The following LCN1 variants were observed in gnomAD, a reference collection of about 807,000 sequenced individuals.
LCN1 encodes the protein lipocalin 1.
Under a neutral mutation model 22.3 loss-of-function variants are expected in LCN1, and 25 were observed. The ratio of observed to expected loss-of-function variants is 1.12; its 90% CI spans 0.82 to 1.56. The LOEUF (loss-of-function observed/expected upper bound fraction) is 1.56, where lower values mean the gene tolerates loss of function less well. Ranked by LOEUF, LCN1 falls within the 40% of genes most tolerant of loss-of-function variation. The probability of loss-of-function intolerance (pLI) is 0.00; values close to 1 mark genes in which losing one functional copy is unlikely to be tolerated. For missense variants in LCN1, 219 were observed against 235.6 expected (o/e 0.93, Z 0.46); for synonymous variants, 85 against 97.6 (o/e 0.87, Z 0.76).
At position 135,521,513 on chromosome 9, in the gene LCN1, C is replaced by G. The variant is rs1831494781; in HGVS notation, c.16C>G (p.Leu6Val). MKPLL[L>V]AVSLGLIAAL... is the part of the protein sequence containing the mutation. ...GACTCCGGAGATGAAGCCCCTGCTCCTGGCCGTCAGCCTTGGCCTCATTGC... is the reference window on the plus strand; with the variant it reads ...GACTCCGGAGATGAAGCCCCTGCTCGTGGCCGTCAGCCTTGGCCTCATTGC... The change falls in exon 1 of 7, where the codon CTG becomes GTG. Residue 6 changes from leucine (L) to valine (V), a missense_variant. Coordinates refer to ENST00000371781, the MANE Select transcript of LCN1 (RefSeq NM_002297.4). The G allele has an allele frequency of 4.3e-6, 7 of 1,612,792 alleles. No homozygotes were observed. Among genetic ancestry groups the G allele is most frequent in the Non-Finnish European group, 5.9e-6 (7 of 1,179,968 alleles).
chr9:135,522,188 G>A lies in LCN1; in HGVS notation c.221+11G>A. On this transcript the variant is annotated intron_variant, in intron 2 of 6. Transcript: ENST00000371781. ...CAAGGTCACCATGCTGTGAGTGTCT[G>A]CCAGCCGGCCGGGCAGCCTGCAACC... The A allele has an allele frequency of 1.2e-6, 2 of 1,604,284 alleles. No homozygotes were observed. Among genetic ancestry groups the A allele is most frequent in the East Asian group, 2.3e-5 (1 of 44,262 alleles).
chr9:135,524,018 C>T (rs1831567196), intron 4 of LCN1, 28 bp downstream of exon 4: 1 of 1,550,394 alleles, frequency 6.4e-7, no homozygotes, highest in Admixed American at 1.7e-5. Context: ...ACCCTGCAAC[C>T]CATGCCTCCA....
Position 135,526,361 on chromosome 9 carries a change from C to A in LCN1, c.*19C>A, listed in dbSNP as rs1300564667. The A allele has an allele frequency of 6.3e-6, 8 of 1,271,282 alleles. No homozygotes were observed. Among genetic ancestry groups the A allele is most frequent in the Non-Finnish European group, 8.2e-6 (8 of 980,924 alleles). The allele number at this position is 1,271,282 out of a possible 1,614,324, so 78.8% of individuals were successfully genotyped here. ...CTTTCCAGGGCAGGGGACACCTTGG[C>A]TCCTCAGCAGCCCAAGGACGGCACC... On this transcript the variant is annotated 3_prime_UTR_variant, in exon 7 of 7. Transcript: ENST00000371781.
intron 3 of LCN1, among the ~76,000 whole-genome samples, chr9:135,523,512 C>T (rs989701632): frequency 5.9e-5 from 9 of 152,356 alleles, no homozygotes; most frequent in South Asian, 4.1e-4. Flanking sequence ...AGGTTTGTCC[C>T]GGGGCGGACC....
Position 135,522,044 on chromosome 9 carries a change from C to T in LCN1, c.91-3C>T. On this transcript the variant is annotated splice_polypyrimidine_tract_variant and splice_region_variant and intron_variant, in intron 1 of 6. Transcript: ENST00000371781. ...GAGCCTGATAGAGAGGGGCCTTCTC[C>T]AGGTGTCAGGGACGTGGTATCTGAA... is the stretch of plus-strand genomic sequence containing the variant. 1 of 1,592,362 alleles carries T rather than the reference C, an allele frequency of 6.3e-7. No homozygotes were observed. Among genetic ancestry groups the T allele is most frequent in the Non-Finnish European group, 8.5e-7 (1 of 1,169,798 alleles).
At chr9:135,523,211 C>T in intron 2 of LCN1, 21 bp from the exon 3 acceptor site, 1 of 1,609,454 alleles carries the variant, frequency 6.2e-7, no homozygotes, top group Non-Finnish European at 8.5e-7. Flanking sequence ...GCCGCTTTGC[C>T]AGGGGGCTTC....
intron 3 of LCN1, among the ~76,000 whole-genome samples, chr9:135,523,529 G>C (rs534641649): frequency 2.6e-5 from 4 of 152,352 alleles, no homozygotes; most frequent in Admixed American, 2.0e-4. Context: ...GACCCTCTGG[G>C]CTTGCCCTGT....
In LCN1 at chr9:135,526,494, G is replaced by A. The variant is rs1238467593; in HGVS notation, c.*152G>A. The A allele has an allele frequency of 7.9e-6, 10 of 1,266,854 alleles. No homozygotes were observed. Among genetic ancestry groups the A allele is most frequent in the South Asian group, 2.6e-5 (2 of 77,588 alleles). The allele number at this position is 1,266,854 out of a possible 1,614,324, so 78.5% of individuals were successfully genotyped here. On this transcript the variant is annotated 3_prime_UTR_variant, in exon 7 of 7. Transcript: ENST00000371781. ...ACCCCCCGCCTTCCCCCTGCCCTGC[G>A]CCCCCTCTCCTGGTTCTCCATAAAG...
In LCN1 at chr9:135,521,486, C is replaced by G. The variant is rs978926372; in HGVS notation, c.-12C>G. ...GCGACCTGTCAGGCGGCCGTGGACT[C>G]AGACTCCGGAGATGAAGCCCCTGCT... On this transcript the variant is annotated 5_prime_UTR_variant, in exon 1 of 7. Transcript: ENST00000371781. 2 of 1,611,032 alleles carry G rather than the reference C, an allele frequency of 1.2e-6. No individual in the cohort carries two copies. The highest frequency in any genetic ancestry group is 1.7e-6 in the Non-Finnish European group (2 of 1,179,394).
intron 2 of LCN1, among the ~76,000 whole-genome samples, 161 bp downstream of exon 2, chr9:135,522,338 C>T (rs1242297416): frequency 1.3e-5 from 2 of 152,198 alleles, no homozygotes; most frequent in Non-Finnish European, 2.9e-5. Context: ...CACTGAGGTG[C>T]CTCGGCTGGA....
At position 135,523,218 on chromosome 9, in the gene LCN1, C is replaced by T. The variant is rs761857621; in HGVS notation, c.222-14C>T. 25 of 1,610,464 alleles carry T rather than the reference C, an allele frequency of 1.6e-5. No homozygotes were observed. In the East Asian group the frequency reaches 5.1e-4, roughly 33 times the overall value. ...AGGCCAGGGCCGCTTTGCCAGGGGGCTTCTGTTTTCCAGGATAAGTGGCCG... is the reference window on the plus strand; with the variant it reads ...AGGCCAGGGCCGCTTTGCCAGGGGGTTTCTGTTTTCCAGGATAAGTGGCCG... On this transcript the variant is annotated splice_polypyrimidine_tract_variant and intron_variant, in intron 2 of 6. Transcript: ENST00000371781.
In LCN1 at chr9:135,523,120, T is replaced by C. The variant is rs1473253292; in HGVS notation, c.222-112T>C. ...AGATGCAGAGAAGCACCCTCCTCCATGGGCCTGTGGCAGACTCGGGGCCAC... is the reference window on the plus strand; with the variant it reads ...AGATGCAGAGAAGCACCCTCCTCCACGGGCCTGTGGCAGACTCGGGGCCAC... On this transcript the variant is annotated intron_variant, in intron 2 of 6. Transcript: ENST00000371781. 28 of 950,012 alleles carry C rather than the reference T, an allele frequency of 2.9e-5. No individual in the cohort carries two copies. The East Asian group carries it at 4.5e-4, about 15-fold the overall frequency. 58.8% of individuals were successfully genotyped at this position (950,012 alleles called of 1,614,324 possible). A position where few individuals can be genotyped will look rare whatever the true frequency, so the allele number is the denominator to read the frequency against.
chr9:135,522,079 G>A lies in LCN1; in HGVS notation c.123G>A (p.Thr41=), dbSNP rs184170490. ...GGACGTGGTATCTGAAGGCCATGAC[G>A]GTGGACAGGGAGTTCCCTGAGATGA... ...VSGTWYLKAM[T]VDREFPEMNL... Residue 41 remains threonine (T), a synonymous_variant, in exon 2 of 7, where the codon ACG becomes ACA. Coordinates refer to ENST00000371781, the MANE Select transcript of LCN1 (RefSeq NM_002297.4). 1,086 of 1,593,126 alleles carry A rather than the reference G, an allele frequency of 6.8e-4. 4 individuals carry two copies. Among genetic ancestry groups the A allele is most frequent in the Non-Finnish European group, 1.6e-4 (189 of 1,170,062 alleles).
intron 1 of LCN1, 81 bp from the exon 2 acceptor site, chr9:135,521,966 A>C: frequency 6.5e-7 from 1 of 1,544,282 alleles, no homozygotes; most frequent in South Asian, 1.2e-5. Flanking sequence ...GGGGTGCGGT[A>C]GAGTCTAGGG....
rs533425200 is a variant in LCN1, at chr9:135,523,770, G to A, written c.293-110G>A. The A allele has an allele frequency of 9.3e-5, 80 of 861,006 alleles. No individual in the cohort carries two copies. In the African/African-American group the frequency reaches 1.1e-3, roughly 12 times the overall value. The allele number at this position is 861,006 out of a possible 1,614,324, so 53.3% of individuals were successfully genotyped here. A position where few individuals can be genotyped will look rare whatever the true frequency, so the allele number is the denominator to read the frequency against. ...GGGTCAGGGAGCTCTGGGAGGCTGG[G>A]AGGGTGCAGGAGCTGCGGGGCTTGC... On this transcript the variant is annotated intron_variant, in intron 3 of 6. Coordinates refer to ENST00000371781, the MANE Select transcript of LCN1 (RefSeq NM_002297.4).
rs149258569 is a variant in LCN1 at position 135,522,631 on chromosome 9, G to A, written c.221+454G>A. ...ATCCCTGTGTAGCGCTCACCTGTGC[G>A]GCTCTCACCTGGGCTGCTTCCACCC... is the stretch of plus-strand genomic sequence containing the variant. On this transcript the variant is annotated intron_variant, in intron 2 of 6. Coordinates refer to ENST00000371781, the MANE Select transcript of LCN1 (RefSeq NM_002297.4). 5.0e-4 allele frequency among the ~76,000 whole-genome samples: 76 copies of A among 152,314 alleles called. No homozygotes were observed. In the East Asian group the frequency reaches 0.013, roughly 27 times the overall value.
intron 3 of LCN1, 78 bp from the exon 4 acceptor site, chr9:135,523,802 T>C: frequency 1.6e-6 from 2 of 1,239,240 alleles, no homozygotes; most frequent in Non-Finnish European, 2.3e-6. Context: ...TTGCTGGGCC[T>C]GGCAACGCAC....
intron 2 of LCN1, among the ~76,000 whole-genome samples, 168 bp downstream of exon 2, chr9:135,522,345 T>C (rs1453025371): frequency 2.0e-5 from 3 of 152,190 alleles, no homozygotes; most frequent in Non-Finnish European, 4.4e-5. Flanking sequence ...GTGCCTCGGC[T>C]GGAGGGGCCC....
chr9:135,524,538 G>A (rs373756828), intron 4 of LCN1, among the ~76,000 whole-genome samples: 4 of 152,294 alleles, frequency 2.6e-5, no homozygotes, highest in African/African-American at 4.8e-5. Context: ...CCCCCAAGGG[G>A]AGAGGCGCTT....
Sources: allele counts gnomAD v4.1 joint callset (sites outside exome capture counted in the v4.1 genomes callset), GRCh38; gene constraint gnomAD v4.1.1; transcripts MANE v1.5; gene names NCBI Gene and HGNC (gene_info 2026-07-23, HGNC 2026-07-21).